Variants in EPHA5 observed in about 807,000 individuals in gnomAD.
The protein encoded by EPHA5 is ephrin type-A receptor 5.
EPHA5 carries 60 observed loss-of-function variants against 105.0 expected under a neutral mutation model. The ratio of observed to expected loss-of-function variants is 0.57; its 90% CI spans 0.46 to 0.71. The LOEUF (loss-of-function observed/expected upper bound fraction) is 0.71. EPHA5 is among the 30% of genes least tolerant of loss of function. EPHA5 has a pLI of 0.00. For synonymous variants in EPHA5, 513 were observed against 449.1 expected, an observed-to-expected ratio of 1.14 and a Z score of -1.80; for missense variants, 1,218 against 1,274.7, an observed-to-expected ratio of 0.96 and a Z score of 0.68.
chr4:65,471,341 C>A (rs980434180), intron 5 of EPHA5, among the ~76,000 whole-genome samples: 4 of 152,150 alleles, frequency 2.6e-5, no homozygotes, highest in African/African-American at 4.8e-5. Context: ...CATTTATTCT[C>A]ATAAAATTTA....
At chr4:65,510,742 A>G (rs972134653) in intron 3 of EPHA5, among the ~76,000 whole-genome samples, 3 of 152,184 alleles carry the variant, frequency 2.0e-5, no homozygotes, top group African/African-American at 7.2e-5. Flanking sequence ...TCCAAAATTG[A>G]TATCTCACAA....
At chr4:65,398,183 G>A (rs1258346106) in intron 8 of EPHA5, among the ~76,000 whole-genome samples, 2 of 152,144 alleles carry the variant, frequency 1.3e-5, no homozygotes, top group African/African-American at 4.8e-5. Context: ...ACCACTGCCT[G>A]GCCTCTCCCT....
In EPHA5 at chr4:65,320,340, T is replaced by A. The variant is rs1332079363; in HGVS notation, c.*3774A>T. 4 of 230,240 alleles carry A rather than the reference T, an allele frequency of 1.7e-5. No individual in the cohort carries two copies. The highest frequency in any genetic ancestry group is 2.6e-5 in the Non-Finnish European group (3 of 116,222). The allele number at this position is 230,240 out of a possible 1,614,324, so 14.3% of individuals were successfully genotyped here. On this transcript the variant is annotated 3_prime_UTR_variant, in exon 17 of 17. Coordinates refer to ENST00000613740, the MANE Select transcript of EPHA5 (RefSeq NM_001281766.3). ...CATTTATTCTTCATCATCATCATCA[T>A]CATCATCATCAGGATCATCATCATA... is the stretch of plus-strand genomic sequence containing the variant.
At chr4:65,558,393 T>G (rs900539672) in intron 3 of EPHA5, among the ~76,000 whole-genome samples, 3 of 152,098 alleles carry the variant, frequency 2.0e-5, no homozygotes, top group African/African-American at 7.2e-5. Context: ...AAATAGAATA[T>G]CATTAGGGTA....
chr4:65,418,119 C>T (rs1340542476), intron 6 of EPHA5, among the ~76,000 whole-genome samples: 2 of 152,068 alleles, frequency 1.3e-5, no homozygotes, highest in African/African-American at 4.8e-5. Flanking sequence ...GGATGTTTTA[C>T]AATTCTATTT....
chr4:65,452,291 G>A (rs1363427869), intron 5 of EPHA5, among the ~76,000 whole-genome samples: 3 of 151,972 alleles, frequency 2.0e-5, no homozygotes, highest in African/African-American at 7.2e-5. Flanking sequence ...TTTTTTAAAT[G>A]CAAATAGATT....
intron 7 of EPHA5, among the ~76,000 whole-genome samples, chr4:65,405,980 G>A (rs1429530256): frequency 1.3e-5 from 2 of 152,040 alleles, no homozygotes; most frequent in East Asian, 3.9e-4. Context: ...TTACTTGAGT[G>A]AGCTGCAACT....
intron 2 of EPHA5, among the ~76,000 whole-genome samples, chr4:65,620,518 T>C (rs1426589426): frequency 6.6e-6 from 1 of 152,186 alleles, no homozygotes; most frequent in Non-Finnish European, 1.5e-5. Flanking sequence ...AATATACATA[T>C]ACATATTCAC....
At chr4:65,376,849 A>C (rs182552813) in intron 8 of EPHA5, 303 of 552,214 alleles carry the variant, frequency 5.5e-4, no homozygotes, top group African/African-American at 4.9e-3. Flanking sequence ...ATTTGAAATA[A>C]TCCATTGTGA....
intron 8 of EPHA5, among the ~76,000 whole-genome samples, chr4:65,387,640 C>T (rs1720238388): frequency 6.6e-6 from 1 of 151,802 alleles, no homozygotes; most frequent in Admixed American, 6.6e-5. Flanking sequence ...CAAAAGACTA[C>T]AGTATGTACG....
intron 8 of EPHA5, among the ~76,000 whole-genome samples, chr4:65,400,571 T>C (rs1721715839): frequency 6.6e-6 from 1 of 152,138 alleles, no homozygotes; most frequent in Non-Finnish European, 1.5e-5. Context: ...TTTTAAATTG[T>C]GTCTAGGTAG....
intron 8 of EPHA5, among the ~76,000 whole-genome samples, chr4:65,389,139 C>A (rs976450695): frequency 6.6e-6 from 1 of 151,928 alleles, no homozygotes; most frequent in African/African-American, 2.4e-5. Flanking sequence ...ATTGGTAATT[C>A]CTTATATTTT....
At chr4:65,598,544 T>C (rs971626618) in intron 3 of EPHA5, among the ~76,000 whole-genome samples, 2 of 152,182 alleles carry the variant, frequency 1.3e-5, no homozygotes, top group Non-Finnish European at 2.9e-5. Flanking sequence ...AAGGTGTATG[T>C]GGACTAACAG....
intron 7 of EPHA5, among the ~76,000 whole-genome samples, chr4:65,409,745 T>A (rs909420089): frequency 3.9e-5 from 6 of 152,190 alleles, no homozygotes; most frequent in African/African-American, 1.4e-4. Context: ...ATAAGTAATG[T>A]AAGTATGTAG....
chr4:65,331,404 G>T (rs1328928104), intron 16 of EPHA5: 8 of 1,044,860 alleles, frequency 7.7e-6, no homozygotes, highest in East Asian at 5.6e-5. Flanking sequence ...GGGCACAATT[G>T]GTTCCACTGA....
chr4:65,510,278 C>G (rs1406514055), intron 3 of EPHA5, among the ~76,000 whole-genome samples: 3 of 151,570 alleles, frequency 2.0e-5, no homozygotes, highest in African/African-American at 7.3e-5. Context: ...CTCCCAACCT[C>G]AGGTGATCAG....
At chr4:65,494,911 C>T (rs1299012912) in intron 4 of EPHA5, among the ~76,000 whole-genome samples, 1 of 151,012 alleles carries the variant, frequency 6.6e-6, no homozygotes, top group African/African-American at 2.4e-5. Context: ...GGTGAAGGCT[C>T]CATCAGCTAC....
chr4:65,448,530 C>A (rs1726779551), intron 5 of EPHA5, among the ~76,000 whole-genome samples: 1 of 152,042 alleles, frequency 6.6e-6, no homozygotes. Context: ...GGCCTGTAGT[C>A]CCAGCTACTT....
At chr4:65,657,565 G>A (rs1382270015) in intron 1 of EPHA5, among the ~76,000 whole-genome samples, 2 of 152,026 alleles carry the variant, frequency 1.3e-5, no homozygotes, top group Admixed American at 1.3e-4. Context: ...AACTCGCTTT[G>A]GTTGGCAAAT....
Sources: gnomAD v4.1 joint callset for allele counts (sites outside exome capture counted in the v4.1 genomes callset) on GRCh38, gnomAD v4.1.1 for gene constraint, MANE v1.5 for transcripts, NCBI Gene and HGNC (gene_info 2026-07-23, HGNC 2026-07-21) for gene names.